Variants in WWOX observed in about 807,000 individuals in gnomAD.
The protein encoded by WWOX is WW domain-containing oxidoreductase.
A neutral mutation model predicts 46.2 loss-of-function variants in WWOX; 69 were observed. The observed-to-expected ratio is 1.49, with a 90% CI of 1.23 to 1.82. The LOEUF (loss-of-function observed/expected upper bound fraction) is 1.82. Among genes scored for constraint, WWOX ranks in the 40% most tolerant of loss-of-function variants. The pLI is 0.00. For missense variants in WWOX, 919 were observed against 542.6 expected (o/e 1.69, Z -6.89); for synonymous variants, 359 against 202.6 (o/e 1.77, Z -6.56).
chr16:78,407,898 G>A (rs1016749076), intron 6 of WWOX, among the ~76,000 whole-genome samples: 3 of 152,210 alleles, frequency 2.0e-5, no homozygotes, highest in Non-Finnish European at 4.4e-5. Context: ...GATAACATTT[G>A]CACATACAGA....
At chr16:79,095,607 C>G (rs958427174) in intron 8 of WWOX, among the ~76,000 whole-genome samples, 1 of 152,178 alleles carries the variant, frequency 6.6e-6, no homozygotes, top group African/African-American at 2.4e-5. Context: ...TATCACTCAT[C>G]TAGCGGAAGT....
At chr16:79,151,737 G>A (rs894089164) in intron 8 of WWOX, among the ~76,000 whole-genome samples, 3 of 152,170 alleles carry the variant, frequency 2.0e-5, no homozygotes, top group African/African-American at 7.2e-5. Flanking sequence ...CGGCCTGCCA[G>A]GGTGCCTGAC....
At chr16:79,144,994 C>G (rs901559729) in intron 8 of WWOX, among the ~76,000 whole-genome samples, 2 of 152,068 alleles carry the variant, frequency 1.3e-5, no homozygotes, top group Non-Finnish European at 2.9e-5. Context: ...TACTGGGGGT[C>G]TTGGAGTATA....
At chr16:78,396,144 C>A (rs1003651985) in intron 6 of WWOX, among the ~76,000 whole-genome samples, 1 of 152,278 alleles carries the variant, frequency 6.6e-6, no homozygotes, top group South Asian at 2.1e-4. Context: ...AAAGCTTATG[C>A]CTTCTCTCAT....
At chr16:78,792,718 C>T (rs745631832) in intron 8 of WWOX, among the ~76,000 whole-genome samples, 6 of 152,120 alleles carry the variant, frequency 3.9e-5, no homozygotes, top group East Asian at 3.9e-4. Flanking sequence ...AGGCATCTCA[C>T]CTGTAGAAAT....
chr16:78,529,936 G>A (rs767061498), intron 8 of WWOX, among the ~76,000 whole-genome samples: 8 of 152,188 alleles, frequency 5.3e-5, no homozygotes, highest in Non-Finnish European at 1.2e-4. Flanking sequence ...GTTGGTTTCC[G>A]TGTTGATGAA....
At chr16:78,585,084 C>A (rs1179993710) in intron 8 of WWOX, among the ~76,000 whole-genome samples, 1 of 152,170 alleles carries the variant, frequency 6.6e-6, no homozygotes, top group Non-Finnish European at 1.5e-5. Flanking sequence ...ATCTTTTACT[C>A]AAAACCTGAA....
chr16:78,521,781 TTG>T (rs746863356), intron 8 of WWOX, among the ~76,000 whole-genome samples: 31 of 134,220 alleles, frequency 2.3e-4, no homozygotes, highest in Non-Finnish European at 4.2e-4. Flanking sequence ...AACACATAAC[TTG>T]TTTTTTTTTT....
Position 78,637,243 on chromosome 16 carries a change from G to A in WWOX, c.1056+204491G>A, listed in dbSNP as rs2046594219. On this transcript the variant is annotated intron_variant, in intron 8 of 8. Transcript: ENST00000566780. ...TTGAGACCAGCCTGGGCAACATGGT[G>A]AACTCCCCCCAACCAACGACCCTTC... 1.3e-5 allele frequency among the ~76,000 whole-genome samples: 2 copies of A among 152,016 alleles called. 1 individual carries two copies. The highest frequency in any genetic ancestry group is 4.2e-4 in the South Asian group (2 of 4,814).
chr16:78,475,583 T>C (rs1490034054), intron 8 of WWOX, among the ~76,000 whole-genome samples: 1 of 152,120 alleles, frequency 6.6e-6, no homozygotes, highest in Non-Finnish European at 1.5e-5. Context: ...TCACTCTACT[T>C]TTTTAGTTTA....
chr16:78,959,329 GC>G (rs1366972947), intron 8 of WWOX, among the ~76,000 whole-genome samples: 1 of 152,174 alleles, frequency 6.6e-6, no homozygotes, highest in East Asian at 1.9e-4. Flanking sequence ...TCTGCTGCCA[GC>G]CAAGTGCTGT....
At chr16:79,181,096 C>T (rs1026227721) in intron 8 of WWOX, among the ~76,000 whole-genome samples, 3 of 152,192 alleles carry the variant, frequency 2.0e-5, no homozygotes, top group Non-Finnish European at 2.9e-5. Flanking sequence ...TTATGCTCTA[C>T]CTCTTCCCTT....
chr16:78,448,273 A>G (rs556428880), intron 8 of WWOX, among the ~76,000 whole-genome samples: 7 of 152,174 alleles, frequency 4.6e-5, no homozygotes, highest in Non-Finnish European at 8.8e-5. Flanking sequence ...ATTCCTCAAG[A>G]CGAGCAAAAA....
intron 1 of WWOX, among the ~76,000 whole-genome samples, chr16:78,104,375 A>G (rs891325050): frequency 2.7e-5 from 4 of 146,314 alleles, no homozygotes; most frequent in African/African-American, 1.0e-4. Flanking sequence ...ACACACACAC[A>G]CACCCATAGG....
At chr16:78,271,986 A>G (rs992228844) in intron 5 of WWOX, among the ~76,000 whole-genome samples, 1 of 152,234 alleles carries the variant, frequency 6.6e-6, no homozygotes, top group African/African-American at 2.4e-5. Flanking sequence ...ACACCTCATC[A>G]GCCAGGAGAC....
At chr16:78,741,288 C>T (rs112030473) in intron 8 of WWOX, among the ~76,000 whole-genome samples, 19 of 152,174 alleles carry the variant, frequency 1.2e-4, no homozygotes, top group South Asian at 4.1e-4. Context: ...TGGTCAGGCG[C>T]GGTGGCTCAC....
chr16:78,635,069 C>G (rs550705757), intron 8 of WWOX, among the ~76,000 whole-genome samples: 2 of 152,140 alleles, frequency 1.3e-5, no homozygotes, highest in African/African-American at 4.8e-5. Flanking sequence ...CCCCCTCTTA[C>G]AGATAGGAAA....
At chr16:78,247,374 C>T (rs1230321502) in intron 5 of WWOX, among the ~76,000 whole-genome samples, 1 of 152,160 alleles carries the variant, frequency 6.6e-6, no homozygotes, top group African/African-American at 2.4e-5. Flanking sequence ...GGACATGGTT[C>T]TCATTGCTGC....
At chr16:78,914,880 G>GGAAAAAAAAAAAAAAAAAAAAAAAA (rs548808446) in intron 8 of WWOX, among the ~76,000 whole-genome samples, 1 of 69,396 alleles carries the variant, frequency 1.4e-5, no homozygotes, top group African/African-American at 6.2e-5. Flanking sequence ...CTCCGCCTCA[G>GGAAAAAAAAAAAAAAAAAAAAAAAA]AAAAAAAAAA....
Sources: gnomAD v4.1 joint callset for allele counts (sites outside exome capture counted in the v4.1 genomes callset) on GRCh38, gnomAD v4.1.1 for gene constraint, MANE v1.5 for transcripts, NCBI Gene and HGNC (gene_info 2026-07-23, HGNC 2026-07-21) for gene names.